Variants in CNKSR1 observed in about 807,000 individuals in gnomAD.
The protein encoded by CNKSR1 is connector enhancer of kinase suppressor of Ras 1, also known as CNK homolog protein 1.
CNKSR1 carries 88 observed loss-of-function variants against 95.6 expected under a neutral mutation model. The ratio of observed to expected loss-of-function variants is 0.92; its 90% CI spans 0.78 to 1.10. The LOEUF (loss-of-function observed/expected upper bound fraction) is 1.10. Among genes scored for constraint, CNKSR1 ranks in the 50% least tolerant of loss-of-function variants. The pLI, the probability that CNKSR1 is intolerant of heterozygous loss-of-function variation, is 0.00. For missense variants in CNKSR1, 836 were observed against 912.0 expected (o/e 0.92, Z 1.07); for synonymous variants, 355 against 369.7 (o/e 0.96, Z 0.46).
rs201801288 is a variant in CNKSR1, at chr1:26,180,826, C to T, written c.322C>T (p.Pro108Ser). Residue 108 changes from proline to serine, a missense_variant, in exon 3 of 21, where the codon CCT becomes TCT. Physicochemically the swap from Pro to Ser is moderately conservative, Grantham distance 74. Transcript: ENST00000361530. ...QGCLGDCAKT[P>S]IDVLCAAVEL... is the part of the protein sequence containing the mutation. The stretch of plus-strand genomic sequence containing the variant: ...CTGCCTGGGGGACTGTGCCAAGACC[C>T]CTATTGATGTCCTCTGTGCAGCTGT... 45 of 1,614,208 alleles carry T rather than the reference C, an allele frequency of 2.8e-5. No individual in the cohort carries two copies. The highest frequency in any genetic ancestry group is 6.7e-5 in the African/African-American group (5 of 75,046).
Position 26,177,574 on chromosome 1 carries a change from C to T in CNKSR1, c.27C>T (p.Pro9=), listed in dbSNP as rs199986850. 4.1e-5 allele frequency: 66 copies of T among 1,613,882 alleles called. 1 individual carries two copies. Among genetic ancestry groups the T allele is most frequent in the South Asian group, 2.6e-4 (24 of 91,078 alleles). The change falls in exon 1 of 21, where the codon CCC becomes CCT. Residue 9 remains proline (P), a synonymous_variant. Coordinates refer to ENST00000361530, the MANE Select transcript of CNKSR1 (RefSeq NM_006314.3). The part of the protein sequence containing the change: MEPVETWT[P]GKVATWLRGL... ...TGGAACCGGTAGAGACCTGGACCCC[C>T]GGAAAGGTGGCAACTTGGCTGAGAG...
At chr1:26,188,546 CAG>C in intron 18 of CNKSR1, 43 bp downstream of exon 18, 1 of 1,609,746 alleles carries the variant, frequency 6.2e-7, no homozygotes, top group Non-Finnish European at 8.5e-7. Context: ...GGATAAACAA[CAG>C]GGCGTGGAGC....
At chr1:26,186,211 A>AAGC (rs1484674926) in intron 14 of CNKSR1, among the ~76,000 whole-genome samples, 1 of 152,240 alleles carries the variant, frequency 6.6e-6, no homozygotes, top group African/African-American at 2.4e-5. Context: ...CAGGAAGAGA[A>AAGC]AGCAGCATTC....
intron 4 of CNKSR1, 165 bp from the exon 5 acceptor site, chr1:26,182,196 A>G (rs1409713391): frequency 1.1e-5 from 8 of 752,552 alleles, no homozygotes; most frequent in Non-Finnish European, 1.8e-5. Flanking sequence ...TATCAGGGAA[A>G]CGAGCCCTCT....
intron 14 of CNKSR1, chr1:26,186,841 G>C (rs184346749): frequency 2.1e-5 from 7 of 332,966 alleles, no homozygotes; most frequent in African/African-American, 8.6e-5. Flanking sequence ...AGGCTCAAAT[G>C]GTCCTCCTGC....
chr1:26,182,996 C>T (rs529426868), intron 6 of CNKSR1, among the ~76,000 whole-genome samples: 1 of 152,252 alleles, frequency 6.6e-6, no homozygotes, highest in East Asian at 1.9e-4. Flanking sequence ...TCCAGCTTCC[C>T]TCTGGCTCTT....
At position 26,188,660 on chromosome 1, in the gene CNKSR1, A is replaced by G; in HGVS notation, c.1653A>G (p.Thr551=). 1.2e-6 allele frequency: 2 copies of G among 1,613,870 alleles called. No individual in the cohort carries two copies. Among genetic ancestry groups the G allele is most frequent in the Non-Finnish European group, 1.7e-6 (2 of 1,179,902 alleles). Reference sequence around the variant, plus strand: ...ACACATCACCTGCAGCCACCCCCACACAGCGCAGCCCACGGACCTCCTTTG... The same window carrying G: ...ACACATCACCTGCAGCCACCCCCACGCAGCGCAGCCCACGGACCTCCTTTG... The part of the protein sequence containing the change: ...HGDTSPAATP[T]QRSPRTSFGS... The change falls in exon 19 of 21, where the codon ACA becomes ACG. Residue 551 remains threonine (T), a synonymous_variant. Transcript: ENST00000361530.
At chr1:26,187,503 C>A (rs747990274) in intron 16 of CNKSR1, 21 bp downstream of exon 16, 2 of 1,612,246 alleles carry the variant, frequency 1.2e-6, no homozygotes, top group South Asian at 2.2e-5. Context: ...CCTCCCTTAG[C>A]CCCTACTCTC....
chr1:26,180,691 T>G (rs1569872996), intron 2 of CNKSR1, 24 bp from the exon 3 acceptor site: 3 of 1,613,586 alleles, frequency 1.9e-6, no homozygotes, highest in Non-Finnish European at 2.5e-6. Flanking sequence ...GCCAGGGAGG[T>G]GACTTGCCCT....
At chr1:26,185,897 G>A (rs936332967) in intron 14 of CNKSR1, among the ~76,000 whole-genome samples, 1 of 152,188 alleles carries the variant, frequency 6.6e-6, no homozygotes, top group Non-Finnish European at 1.5e-5. Context: ...CGAATGATGG[G>A]CCATTCATTT....
At chr1:26,189,093 G>C in intron 20 of CNKSR1, 140 bp downstream of exon 20, 1 of 1,264,138 alleles carries the variant, frequency 7.9e-7, no homozygotes, top group Non-Finnish European at 1.1e-6. Flanking sequence ...AGCTGACAGC[G>C]GGCTCAGCTG....
At position 26,182,591 on chromosome 1, in the gene CNKSR1, C is replaced by T. The variant is rs1254102598; in HGVS notation, c.624+7C>T. On this transcript the variant is annotated splice_region_variant and intron_variant, in intron 6 of 20. Coordinates refer to ENST00000361530, the MANE Select transcript of CNKSR1 (RefSeq NM_006314.3). Reference sequence around the variant, plus strand: ...GCAGCTGGACAGTCCATTGGTGAGCCCTGCCCTCCCACCTCTCACTTCTGA... The same window carrying T: ...GCAGCTGGACAGTCCATTGGTGAGCTCTGCCCTCCCACCTCTCACTTCTGA... 32 of 1,609,926 alleles carry T rather than the reference C, an allele frequency of 2.0e-5. No homozygotes were observed. Among genetic ancestry groups the T allele is most frequent in the Non-Finnish European group, 2.6e-5 (31 of 1,178,086 alleles).
intron 1 of CNKSR1, 118 bp downstream of exon 1, chr1:26,177,717 T>C (rs1007035540): frequency 4.2e-5 from 50 of 1,188,178 alleles, no homozygotes; most frequent in Non-Finnish European, 5.6e-5. Context: ...GGTTCACACC[T>C]GTAATCCCAG....
chr1:26,185,410 G>A (rs1001002178), intron 14 of CNKSR1, among the ~76,000 whole-genome samples: 20 of 61,692 alleles, frequency 3.2e-4, no homozygotes, highest in Admixed American at 9.1e-4. Flanking sequence ...TTTTTTTTTT[G>A]GAGACAAAGT....
chr1:26,186,213 G>T (rs916223368), intron 14 of CNKSR1, among the ~76,000 whole-genome samples: 1 of 152,246 alleles, frequency 6.6e-6, no homozygotes, highest in African/African-American at 2.4e-5. Context: ...GGAAGAGAAA[G>T]CAGCATTCAG....
At chr1:26,180,638 C>G in intron 2 of CNKSR1, 28 bp downstream of exon 2, 3 of 1,614,134 alleles carry the variant, frequency 1.9e-6, no homozygotes, top group Non-Finnish European at 2.5e-6. Context: ...ACACTGGCTG[C>G]AGCTTCCACC....
rs758353694 is a variant in CNKSR1 at position 26,188,236 on chromosome 1, G to A, written c.1457G>A (p.Trp486Ter). The A allele has an allele frequency of 6.2e-7, 1 of 1,614,062 alleles. No individual in the cohort carries two copies. The highest frequency in any genetic ancestry group is 8.5e-7 in the Non-Finnish European group (1 of 1,179,962). ...TGAGACCTGCTTGCTCTCCATAGGTGGGTGCGTCATCTCATTACCTGCATC... is the reference window on the plus strand; with the variant it reads ...TGAGACCTGCTTGCTCTCCATAGGTAGGTGCGTCATCTCATTACCTGCATC... ...AADTLTDLSM[W>*]VRHLITCISK... The change falls in exon 17 of 21, where the codon TGG (tryptophan) becomes TAG (stop). Residue 486 changes from tryptophan to a stop codon, truncating the protein, a stop_gained and splice_region_variant. Transcript: ENST00000361530. LOFTEE classifies it high-confidence loss of function.
chr1:26,186,468 G>A (rs2088752082), intron 14 of CNKSR1, among the ~76,000 whole-genome samples: 1 of 150,942 alleles, frequency 6.6e-6, no homozygotes, highest in South Asian at 2.1e-4. Flanking sequence ...GCCTAGCTAA[G>A]TTTTTTGTTT....
intron 1 of CNKSR1, among the ~76,000 whole-genome samples, chr1:26,178,206 A>G (rs2783706): frequency 0.41 from 62,512 of 152,020 alleles, 14,664 homozygotes; most frequent in East Asian, 0.65. Context: ...ACAGGCCCAC[A>G]CCCACTGTAT....
Sources: gnomAD v4.1 joint callset for allele counts (sites outside exome capture counted in the v4.1 genomes callset) on GRCh38, gnomAD v4.1.1 for gene constraint, MANE v1.5 for transcripts, NCBI Gene and HGNC (gene_info 2026-07-23, HGNC 2026-07-21) for gene names.